The following BMPR2 variants were observed in gnomAD, a reference collection of about 807,000 sequenced individuals.
The protein encoded by BMPR2 is bone morphogenetic protein receptor type 2, also known as bone morphogenetic protein receptor type-2.
BMPR2 carries 29 observed loss-of-function variants against 100.8 expected under a neutral mutation model. That is an observed-to-expected ratio of 0.29 (90% CI 0.21 to 0.39). The LOEUF (loss-of-function observed/expected upper bound fraction) is 0.39. Among genes scored for constraint, BMPR2 ranks in the 10% least tolerant of loss-of-function variants. The pLI is 1.00. For missense variants in BMPR2, 1,011 were observed against 1,274.5 expected (o/e 0.79, Z 3.15); for synonymous variants, 382 against 442.3 (o/e 0.86, Z 1.71).
chr2:202,526,368 A>G (rs991214909), intron 7 of BMPR2, among the ~76,000 whole-genome samples: 10 of 152,238 alleles, frequency 6.6e-5, no homozygotes, highest in African/African-American at 2.2e-4. Flanking sequence ...GAACTTTAAT[A>G]TATCAGTTTT....
In BMPR2 at chr2:202,567,468, G is replaced by C. The variant is rs1688783411; in HGVS notation, c.*7522G>C. On this transcript the variant is annotated 3_prime_UTR_variant, in exon 13 of 13. Coordinates refer to ENST00000374580, the MANE Select transcript of BMPR2 (RefSeq NM_001204.7). Reference sequence around the variant, plus strand: ...AAGCTGTCTGAAGCCTTGCTATGCTGTATAAGTTGTGTTTGATGGATCAGT... The same window carrying C: ...AAGCTGTCTGAAGCCTTGCTATGCTCTATAAGTTGTGTTTGATGGATCAGT... The C allele has an allele frequency of 6.6e-6, 1 of 152,544 alleles. No individual in the cohort carries two copies. The highest frequency in any genetic ancestry group is 1.5e-5 in the Non-Finnish European group (1 of 68,032). The allele number at this position is 152,544 out of a possible 1,614,324, so 9.4% of individuals were successfully genotyped here. A position where few individuals can be genotyped will look rare whatever the true frequency, so the allele number is the denominator to read the frequency against.
chr2:202,538,317 G>A (rs1166409094), intron 9 of BMPR2, among the ~76,000 whole-genome samples: 5 of 151,742 alleles, frequency 3.3e-5, no homozygotes, highest in African/African-American at 9.7e-5. Flanking sequence ...TCAGCTGGTC[G>A]TGGTGGCAGT....
At chr2:202,390,530 C>T (rs1368202403) in intron 1 of BMPR2, among the ~76,000 whole-genome samples, 1 of 152,076 alleles carries the variant, frequency 6.6e-6, no homozygotes, top group East Asian at 1.9e-4. Flanking sequence ...CAGGGTTTCA[C>T]CATGTTGGCT....
At chr2:202,533,301 C>T (rs1367117412) in intron 9 of BMPR2, among the ~76,000 whole-genome samples, 1 of 152,030 alleles carries the variant, frequency 6.6e-6, no homozygotes, top group African/African-American at 2.4e-5. Context: ...CCTATAATCC[C>T]AGCACTTTGT....
intron 1 of BMPR2, among the ~76,000 whole-genome samples, chr2:202,429,606 C>T (rs1418914943): frequency 6.6e-6 from 1 of 152,086 alleles, no homozygotes; most frequent in Non-Finnish European, 1.5e-5. Flanking sequence ...TCTGCTTGGG[C>T]TGTGTATTAG....
intron 3 of BMPR2, chr2:202,469,480 TATTTA>T (rs1218072913): frequency 9.6e-6 from 3 of 312,104 alleles, no homozygotes; most frequent in African/African-American, 6.7e-5. Context: ...ATTTTTATTT[TATTTA>T]TTTATTTTTT....
At chr2:202,506,857 G>A (rs532611696) in intron 3 of BMPR2, among the ~76,000 whole-genome samples, 5 of 151,930 alleles carry the variant, frequency 3.3e-5, no homozygotes, top group Admixed American at 6.6e-5. Context: ...CTGAGATCGC[G>A]CCACTGCTCT....
In BMPR2 at chr2:202,556,353, A is replaced by C; in HGVS notation, c.2688A>C (p.Glu896Asp). 2 of 1,614,234 alleles carry C rather than the reference A, an allele frequency of 1.2e-6. No homozygotes were observed. The highest frequency in any genetic ancestry group is 1.7e-6 in the Non-Finnish European group (2 of 1,180,034). Residue 896 changes from glutamate to aspartate, a missense_variant, in exon 12 of 13, where the codon GAA becomes GAC. Physicochemically the swap from Glu to Asp is conservative, Grantham distance 45. Coordinates refer to ENST00000374580, the MANE Select transcript of BMPR2 (RefSeq NM_001204.7). The stretch of plus-strand genomic sequence containing the variant: ...TGGACAGGAGGGAACGGCCACTAGA[A>C]GGTGGCCGAACTAATTCCAATAACA... The part of the protein sequence containing the change: ...RLVDRRERPL[E>D]GGRTNSNNNN...
At chr2:202,535,359 C>T (rs1219088370) in intron 9 of BMPR2, among the ~76,000 whole-genome samples, 11 of 151,536 alleles carry the variant, frequency 7.3e-5, no homozygotes, top group African/African-American at 2.4e-4. Flanking sequence ...GGTCTCCTCA[C>T]TTCTCAGACG....
chr2:202,405,156 G>T (rs1690862026), intron 1 of BMPR2, among the ~76,000 whole-genome samples: 1 of 151,904 alleles, frequency 6.6e-6, no homozygotes, highest in Non-Finnish European at 1.5e-5. Flanking sequence ...TACAACATTG[G>T]TCAGCTTTTT....
At chr2:202,396,201 C>T (rs965131632) in intron 1 of BMPR2, among the ~76,000 whole-genome samples, 1 of 152,212 alleles carries the variant, frequency 6.6e-6, no homozygotes, top group Admixed American at 6.6e-5. Flanking sequence ...CCTACAGCCA[C>T]TCAGTTTTAG....
At chr2:202,451,042 GT>G (rs1382481405) in intron 1 of BMPR2, among the ~76,000 whole-genome samples, 1 of 152,152 alleles carries the variant, frequency 6.6e-6, no homozygotes, top group Non-Finnish European at 1.5e-5. Context: ...CCCAGAATTA[GT>G]CCCTGAACTT....
At chr2:202,552,199 A>C (rs1276848129) in intron 10 of BMPR2, among the ~76,000 whole-genome samples, 1 of 151,892 alleles carries the variant, frequency 6.6e-6, no homozygotes, top group African/African-American at 2.4e-5. Flanking sequence ...CATATTGGCC[A>C]AACTGGTCTC....
chr2:202,492,023 C>T, intron 3 of BMPR2, among the ~76,000 whole-genome samples: 1 of 152,090 alleles, frequency 6.6e-6, no homozygotes. Context: ...GTTAAATCTT[C>T]AAAACATATT....
intron 7 of BMPR2, chr2:202,521,043 C>T (rs1687810733): frequency 1.3e-5 from 2 of 153,468 alleles, no homozygotes; most frequent in Admixed American, 1.3e-4. Flanking sequence ...TGCTCTTCCT[C>T]CATTGTTGCC....
rs886055470 is a variant in BMPR2, at chr2:202,518,908, C to T, written c.708C>T (p.Asn236=). The change falls in exon 6 of 13, where the codon AAC becomes AAT. Residue 236 remains asparagine (N), a synonymous_variant. Transcript: ENST00000374580. The part of the protein sequence containing the change: ...PVAVKVFSFA[N]RQNFINEKNI... ...CTGTAAAAGTGTTTTCCTTTGCAAA[C>T]CGTCAGAATTTTATCAACGAAAAGA... 7.4e-6 allele frequency: 12 copies of T among 1,614,064 alleles called. No homozygotes were observed. The highest frequency in any genetic ancestry group is 1.0e-5 in the Non-Finnish European group (12 of 1,180,052).
At chr2:202,505,460 A>G (rs995021751) in intron 3 of BMPR2, 6 of 151,374 alleles carry the variant, frequency 4.0e-5, no homozygotes, top group Non-Finnish European at 8.8e-5. Flanking sequence ...AGCTCAAGCA[A>G]CCCTCCCAAC....
chr2:202,544,278 C>T (rs187718828), intron 10 of BMPR2, among the ~76,000 whole-genome samples: 4 of 152,200 alleles, frequency 2.6e-5, no homozygotes, highest in Non-Finnish European at 4.4e-5. Flanking sequence ...TTCTTGTAAA[C>T]GATTGTTTTT....
At chr2:202,516,570 C>A (rs1201478148) in intron 5 of BMPR2, among the ~76,000 whole-genome samples, 1 of 151,796 alleles carries the variant, frequency 6.6e-6, no homozygotes, top group East Asian at 1.9e-4. Context: ...CCCAGCTACT[C>A]GGGAGGCTGA....
Sources: gnomAD v4.1 joint callset for allele counts (sites outside exome capture counted in the v4.1 genomes callset) on GRCh38, gnomAD v4.1.1 for gene constraint, MANE v1.5 for transcripts, NCBI Gene and HGNC (gene_info 2026-07-23, HGNC 2026-07-21) for gene names.